Variants in RESF1 observed in about 807,000 individuals in gnomAD.
RESF1 encodes retroelement silencing factor 1, also known as gonad expressed transcript.
RESF1 carries 65 observed loss-of-function variants against 134.7 expected under a neutral mutation model. The observed-to-expected ratio is 0.48, with a 90% confidence interval of 0.40 to 0.59. RESF1 has a LOEUF of 0.59. RESF1 is among the 20% of genes least tolerant of loss of function. RESF1 has a pLI of 0.00. For missense variants in RESF1, 2,274 were observed against 2,002.7 expected (o/e 1.14, Z -2.59); for synonymous variants, 762 against 702.2 (o/e 1.09, Z -1.35).
At chr12:31,967,528 C>T (rs1939423025) in intron 2 of RESF1, among the ~76,000 whole-genome samples, 1 of 152,032 alleles carries the variant, frequency 6.6e-6, no homozygotes, top group Admixed American at 6.6e-5. Flanking sequence ...GAAAACACAA[C>T]ATCCAAAAAA....
intron 2 of RESF1, among the ~76,000 whole-genome samples, chr12:31,964,674 G>T (rs1939358842): frequency 6.6e-6 from 1 of 152,188 alleles, no homozygotes; most frequent in African/African-American, 2.4e-5. Context: ...TGAAGTGGTA[G>T]CTCATTGTGG....
intron 3 of RESF1, among the ~76,000 whole-genome samples, chr12:31,975,431 TG>T (rs1939611650): frequency 6.6e-6 from 1 of 152,248 alleles, no homozygotes; most frequent in South Asian, 2.1e-4. Flanking sequence ...GAGTTTACTC[TG>T]TATCCAATGG....
Position 31,983,152 on chromosome 12 carries a change from TCA to T in RESF1, c.2200_2201del (p.Gln734AlafsTer12). ...SNSQNKISNP[S>X]QQTALSMVMH... ...TTCTCAGAATAAAATAAGTAATCCC[TCA>T]CAGCAGACAGCTTTGTCGATGGTAA... On this transcript the variant is annotated frameshift_variant, in exon 4 of 6. Coordinates refer to ENST00000312561, the MANE Select transcript of RESF1 (RefSeq NM_018169.4). LOFTEE classifies it high-confidence loss of function. 1 of 1,611,786 alleles carries T rather than the reference TCA, an allele frequency of 6.2e-7. No homozygotes were observed. The highest frequency in any genetic ancestry group is 8.5e-7 in the Non-Finnish European group (1 of 1,179,216).
At chr12:31,978,734 G>A (rs1364892253) in intron 3 of RESF1, among the ~76,000 whole-genome samples, 1 of 60,772 alleles carries the variant, frequency 1.6e-5, no homozygotes, top group African/African-American at 5.8e-5. Flanking sequence ...TTTTTTTTTT[G>A]TATATTTAGT....
rs1214719188 is a variant in RESF1, at chr12:31,981,958, G to A, written c.1003G>A (p.Gly335Arg). 2 of 1,614,128 alleles carry A rather than the reference G, an allele frequency of 1.2e-6. No individual in the cohort carries two copies. The highest frequency in any genetic ancestry group is 1.7e-6 in the Non-Finnish European group (2 of 1,180,028). Residue 335 changes from glycine (G) to arginine (R), a missense_variant, in exon 4 of 6, where the codon GGA (glycine) becomes AGA (arginine). Transcript: ENST00000312561. ...QNPNENVSTI[G>R]NFTNLKVNTN... Reference sequence around the variant, plus strand: ...CCCTAATGAAAATGTCAGCACAATTGGAAATTTCACTAACTTGAAAGTAAA... The same window carrying A: ...CCCTAATGAAAATGTCAGCACAATTAGAAATTTCACTAACTTGAAAGTAAA...
chr12:31,992,085 T>TA (rs1285034267), intron 5 of RESF1, among the ~76,000 whole-genome samples: 1 of 152,204 alleles, frequency 6.6e-6, no homozygotes, highest in African/African-American at 2.4e-5. Flanking sequence ...ATACTAATGA[T>TA]ATGCAATGAT....
In RESF1 at chr12:31,982,008, C is replaced by A. The variant is rs763597659; in HGVS notation, c.1053C>A (p.Asn351Lys). ...KVNTNSKQPFNSPIRSSVDGV... is the reference protein window; with the variant it reads ...KVNTNSKQPFKSPIRSSVDGV... Reference sequence around the variant, plus strand: ...ATACCAACAGCAAACAGCCTTTTAACAGTCCCATTAGATCTTCTGTGGATG... The same window carrying A: ...ATACCAACAGCAAACAGCCTTTTAAAAGTCCCATTAGATCTTCTGTGGATG... The change falls in exon 4 of 6, where the codon AAC becomes AAA. Residue 351 changes from asparagine to lysine, a missense_variant. Asn to Lys is a moderately conservative substitution (Grantham distance 94, BLOSUM62 0). Coordinates refer to ENST00000312561, the MANE Select transcript of RESF1 (RefSeq NM_018169.4). The A allele has an allele frequency of 6.2e-7, 1 of 1,613,984 alleles. No homozygotes were observed. Among genetic ancestry groups the A allele is most frequent in the African/African-American group, 1.3e-5 (1 of 74,924 alleles).
At chr12:31,972,018 T>C (rs961673193) in intron 3 of RESF1, among the ~76,000 whole-genome samples, 3 of 152,156 alleles carry the variant, frequency 2.0e-5, no homozygotes, top group African/African-American at 4.8e-5. Context: ...CCGGAAAGGA[T>C]AGAGTTTAGA....
rs999879290 is a variant in RESF1 at position 31,984,682 on chromosome 12, G to A, written c.3727G>A (p.Asp1243Asn). The change falls in exon 4 of 6, where the codon GAT (aspartate) becomes AAT (asparagine). Residue 1243 changes from aspartate (D) to asparagine (N), a missense_variant. Transcript: ENST00000312561. Reference protein sequence around the residue: ...SLVNNPKTPPDGKSHFPELQD... With the variant: ...SLVNNPKTPPNGKSHFPELQD... ...TGTAAATAATCCAAAGACTCCTCCA[G>A]ATGGGAAAAGTCATTTTCCTGAACT... is the stretch of plus-strand genomic sequence containing the variant. The A allele has an allele frequency of 1.6e-5, 26 of 1,588,630 alleles. No individual in the cohort carries two copies. Among genetic ancestry groups the A allele is most frequent in the Non-Finnish European group, 1.9e-5 (22 of 1,173,694 alleles).
At chr12:31,987,881 C>T (rs555737264) in intron 5 of RESF1, among the ~76,000 whole-genome samples, 4 of 152,214 alleles carry the variant, frequency 2.6e-5, no homozygotes, top group African/African-American at 9.6e-5. Flanking sequence ...ACTGCAGTTG[C>T]ATACCACCAC....
rs3759302 is a variant in RESF1, at chr12:31,982,252, T to G, written c.1297T>G (p.Ser433Ala). 3.7e-6 allele frequency: 6 copies of G among 1,613,724 alleles called. No homozygotes were observed. Among genetic ancestry groups the G allele is most frequent in the East Asian group, 2.2e-5 (1 of 44,884 alleles). The change falls in exon 4 of 6, where the codon TCT (serine) becomes GCT (alanine). Residue 433 changes from serine (S) to alanine (A), a missense_variant. By Grantham distance (99) the Ser-to-Ala change is moderately conservative. Coordinates refer to ENST00000312561, the MANE Select transcript of RESF1 (RefSeq NM_018169.4). ...AAGCIKMTNT[S>A]YSEPAQNSKL... ...AGGTTGTATTAAAATGACTAATACT[T>G]CTTATAGTGAACCAGCTCAGAATTC...
In RESF1 at chr12:31,989,150, A is replaced by C. The variant is rs1247101221; in HGVS notation, c.5086+1828A>C. ...GGTGGCTCACACCTGTAATCTCAGCACTTTGGGAGGCCGAGGCAGGCGGAT... is the reference window on the plus strand; with the variant it reads ...GGTGGCTCACACCTGTAATCTCAGCCCTTTGGGAGGCCGAGGCAGGCGGAT... On this transcript the variant is annotated intron_variant, in intron 5 of 5. Transcript: ENST00000312561. Among the ~76,000 whole-genome samples the C allele has an allele frequency of 2.6e-5, 4 of 151,420 alleles. 1 individual carries two copies. Among genetic ancestry groups the C allele is most frequent in the Non-Finnish European group, 5.9e-5 (4 of 67,830 alleles).
chr12:31,969,899 T>A (rs1939471202), intron 2 of RESF1, among the ~76,000 whole-genome samples: 2 of 152,232 alleles, frequency 1.3e-5, no homozygotes, highest in Admixed American at 1.3e-4. Flanking sequence ...CCTAGGTCTA[T>A]TTTCTTATAC....
intron 4 of RESF1, 151 bp downstream of exon 4, chr12:31,986,108 A>G (rs10844082): frequency 0.23 from 99,975 of 438,932 alleles, 12,401 homozygotes; most frequent in Non-Finnish European, 0.26. Flanking sequence ...TGGTAAACCA[A>G]TGTTTCATTG....
At chr12:31,964,761 T>G (rs1939360480) in intron 2 of RESF1, among the ~76,000 whole-genome samples, 1 of 152,214 alleles carries the variant, frequency 6.6e-6, no homozygotes, top group Non-Finnish European at 1.5e-5. Context: ...TGGAGAAGTA[T>G]CTATTCAAAA....
chr12:31,960,658 T>TA (rs2120739957), intron 1 of RESF1, 119 bp from the exon 2 acceptor site: 1 of 152,346 alleles, frequency 6.6e-6, no homozygotes, highest in South Asian at 2.1e-4. Flanking sequence ...AAGAATTCAG[T>TA]AAACTTAGCA....
Position 31,978,585 on chromosome 12 carries a change from C to T in RESF1, c.-78-2293C>T, listed in dbSNP as rs369172640. On this transcript the variant is annotated intron_variant, in intron 3 of 5. Coordinates refer to ENST00000312561, the MANE Select transcript of RESF1 (RefSeq NM_018169.4). Reference sequence around the variant, plus strand: ...GTTTTGAGACGGGCTCTCGCTCTGTCGCCAGGCTGGAGTGTAGTGGCGCAA... The same window carrying T: ...GTTTTGAGACGGGCTCTCGCTCTGTTGCCAGGCTGGAGTGTAGTGGCGCAA... 8.6e-5 allele frequency among the ~76,000 whole-genome samples: 13 copies of T among 151,438 alleles called. No individual in the cohort carries two copies. The East Asian group carries it at 9.7e-4, about 11-fold the overall frequency.
At position 31,982,585 on chromosome 12, in the gene RESF1, T is replaced by C; in HGVS notation, c.1630T>C (p.Ser544Pro). The C allele has an allele frequency of 1.2e-6, 2 of 1,613,980 alleles. No homozygotes were observed. Among genetic ancestry groups the C allele is most frequent in the Non-Finnish European group, 8.5e-7 (1 of 1,180,028 alleles). The change falls in exon 4 of 6, where the codon TCA (serine) becomes CCA (proline). Residue 544 changes from serine (S) to proline (P), a missense_variant. By Grantham distance (74) the Ser-to-Pro change is moderately conservative (BLOSUM62 -1). Coordinates refer to ENST00000312561, the MANE Select transcript of RESF1 (RefSeq NM_018169.4). Reference protein sequence around the residue: ...MTQAVLNTQLSSENVTKVEQN... With the variant: ...MTQAVLNTQLPSENVTKVEQN... ...CCAGGCAGTATTGAATACTCAGCTT[T>C]CATCAGAAAATGTTACCAAAGTTGA...
Position 31,985,476 on chromosome 12 carries a change from A to G in RESF1, c.4521A>G (p.Glu1507=), listed in dbSNP as rs12827942. 0.11 allele frequency: 174,088 copies of G among 1,606,448 alleles called. 10,185 individuals are homozygous for G. Among genetic ancestry groups the G allele is most frequent in the Non-Finnish European group, 0.12 (143,327 of 1,177,916 alleles). ...GCAGCGGCGTGCAGACCTCTAAAGAATCATTAAATGGCTTGACAAGCCATG... is the reference window on the plus strand; with the variant it reads ...GCAGCGGCGTGCAGACCTCTAAAGAGTCATTAAATGGCTTGACAAGCCATG... The part of the protein sequence containing the change: ...KHSSGVQTSK[E]SLNGLTSHGK... The change falls in exon 4 of 6, where the codon GAA becomes GAG. Residue 1507 remains glutamate (E), a synonymous_variant. Transcript: ENST00000312561.
Sources: allele counts gnomAD v4.1 joint callset (sites outside exome capture counted in the v4.1 genomes callset), GRCh38; gene constraint gnomAD v4.1.1; transcripts MANE v1.5; gene names NCBI Gene and HGNC (gene_info 2026-07-23, HGNC 2026-07-21).